The following VSTM1 variants were observed in gnomAD, a reference collection of about 807,000 sequenced individuals.
VSTM1 encodes V-set and transmembrane domain-containing protein 1.
Under a neutral mutation model 33.1 loss-of-function variants are expected in VSTM1, and 27 were observed. The ratio of observed to expected loss-of-function variants is 0.82; its 90% confidence interval spans 0.60 to 1.12. VSTM1 has a LOEUF of 1.12. Among genes scored for constraint, VSTM1 ranks in the 50% most tolerant of loss-of-function variants. The pLI, the probability that VSTM1 is intolerant of heterozygous loss-of-function variation, is 0.00. For synonymous variants in VSTM1, 115 were observed against 110.3 expected (o/e 1.04, Z -0.27); for missense variants, 304 against 288.9 (o/e 1.05, Z -0.38).
intron 4 of VSTM1, among the ~76,000 whole-genome samples, chr19:54,047,734 A>G (rs1451500116): frequency 6.6e-6 from 1 of 152,174 alleles, no homozygotes; most frequent in African/African-American, 2.4e-5. Context: ...TTTCCAGCCT[A>G]CGGTATCTTT....
chr19:54,045,957 T>TA (rs1445657860), intron 4 of VSTM1, among the ~76,000 whole-genome samples: 5 of 152,160 alleles, frequency 3.3e-5, no homozygotes, highest in African/African-American at 7.2e-5. Context: ...CTAGCTAATC[T>TA]ATCTGTATCT....
At chr19:54,047,328 T>G (rs1464436315) in intron 4 of VSTM1, among the ~76,000 whole-genome samples, 1 of 151,728 alleles carries the variant, frequency 6.6e-6, no homozygotes, top group Non-Finnish European at 1.5e-5. Flanking sequence ...ACAGTCTCAC[T>G]CTGTCTCCCA....
chr19:54,041,966 G>GAC lies in VSTM1; in HGVS notation c.516-15_516-14dup. 11 of 1,614,124 alleles carry GAC rather than the reference G, an allele frequency of 6.8e-6. No homozygotes were observed. Among genetic ancestry groups the GAC allele is most frequent in the Non-Finnish European group, 8.5e-6 (10 of 1,180,016 alleles). On this transcript the variant is annotated splice_polypyrimidine_tract_variant and intron_variant, in intron 6 of 8. Coordinates refer to ENST00000338372, the MANE Select transcript of VSTM1 (RefSeq NM_198481.4). ...GGAATGGCTGGTTCTGAAAGAGAGA[G>GAC]ACACACGTGAAAGGATGGGATGTGA...
intron 4 of VSTM1, among the ~76,000 whole-genome samples, chr19:54,048,704 C>T (rs776582271): frequency 5.3e-5 from 8 of 152,086 alleles, no homozygotes; most frequent in African/African-American, 1.2e-4. Context: ...ATTTACAGCG[C>T]GGAGACAAAC....
chr19:54,049,348 A>C (rs569368191), intron 4 of VSTM1, among the ~76,000 whole-genome samples: 1 of 152,184 alleles, frequency 6.6e-6, no homozygotes, highest in Non-Finnish European at 1.5e-5. Context: ...CTGGTGGGAA[A>C]GTGGGAAATG....
intron 4 of VSTM1, among the ~76,000 whole-genome samples, chr19:54,045,851 A>G (rs1292939750): frequency 6.6e-6 from 1 of 152,026 alleles, no homozygotes; most frequent in Non-Finnish European, 1.5e-5. Flanking sequence ...TATCTAATCT[A>G]TCATCTATCT....
rs1035814443 is a variant in VSTM1, at chr19:54,055,898, A to G, written c.355+2408T>C. The G allele has an allele frequency of 6.3e-5, 9 of 141,900 alleles. 3 individuals are homozygous for G. In the Admixed American group the frequency reaches 6.5e-4, roughly 10 times the overall value. The allele number at this position is 141,900 out of a possible 1,614,324, so 8.8% of individuals were successfully genotyped here. A position where few individuals can be genotyped will look rare whatever the true frequency, so the allele number is the denominator to read the frequency against. ...TCTCATCCATCTCTCCGTATTAACC[A>G]TGTCTTTCATCTTCTGCATTTGATG... On this transcript the variant is annotated intron_variant, in intron 3 of 8. Coordinates refer to ENST00000338372, the MANE Select transcript of VSTM1 (RefSeq NM_198481.4).
chr19:54,048,078 C>T (rs1829769378), intron 4 of VSTM1, among the ~76,000 whole-genome samples: 1 of 152,072 alleles, frequency 6.6e-6, no homozygotes. Flanking sequence ...TAAATACAGG[C>T]TGGGGACATC....
At position 54,058,472 on chromosome 19, in the gene VSTM1, C is replaced by A; in HGVS notation, c.189G>T (p.Val63=). 1 of 1,613,656 alleles carries A rather than the reference C, an allele frequency of 6.2e-7. No individual in the cohort carries two copies. The highest frequency in any genetic ancestry group is 8.5e-7 in the Non-Finnish European group (1 of 1,179,940). The part of the protein sequence containing the change: ...SQNVTFVLRK[V]NDSGYKQEQS... ...GTTCCTGCTTGTACCCAGAGTCGTTCACCTTGCGCAGCACAAATGTCACAT... is the reference window on the plus strand; with the variant it reads ...GTTCCTGCTTGTACCCAGAGTCGTTAACCTTGCGCAGCACAAATGTCACAT... The change falls in exon 3 of 9, where the codon GTG becomes GTT. Residue 63 remains valine (V), a synonymous_variant. Coordinates refer to ENST00000338372, the MANE Select transcript of VSTM1 (RefSeq NM_198481.4).
Position 54,056,340 on chromosome 19 carries a change from G to A in VSTM1, c.355+1966C>T. On this transcript the variant is annotated intron_variant, in intron 3 of 8. Coordinates refer to ENST00000338372, the MANE Select transcript of VSTM1 (RefSeq NM_198481.4). ...GGGTTCAAGCAATTCTCGTGCCTCAGCCTCCCGAGTAGCTGAAAGCACAGG... is the reference window on the plus strand; with the variant it reads ...GGGTTCAAGCAATTCTCGTGCCTCAACCTCCCGAGTAGCTGAAAGCACAGG... Among the ~76,000 whole-genome samples, 2 of 131,978 alleles carry A rather than the reference G, an allele frequency of 1.5e-5. 1 individual carries two copies. Among genetic ancestry groups the A allele is most frequent in the Non-Finnish European group, 3.2e-5 (2 of 62,090 alleles). The allele number at this position is 131,978 out of a possible 152,430, so 86.6% of individuals were successfully genotyped here.
chr19:54,046,994 G>A (rs1249599309), intron 4 of VSTM1, among the ~76,000 whole-genome samples: 4 of 152,114 alleles, frequency 2.6e-5, no homozygotes, highest in Admixed American at 6.5e-5. Context: ...TCAGGAGTTC[G>A]AGACCAGCCT....
intron 3 of VSTM1, among the ~76,000 whole-genome samples, chr19:54,052,502 A>G (rs1272886947): frequency 7.0e-6 from 1 of 142,478 alleles, no homozygotes; most frequent in African/African-American, 2.6e-5. Context: ...TTTAGACTAC[A>G]CATATGAGTG....
At chr19:54,048,142 G>A (rs981814559) in intron 4 of VSTM1, among the ~76,000 whole-genome samples, 9 of 152,120 alleles carry the variant, frequency 5.9e-5, no homozygotes, top group Admixed American at 5.2e-4. Flanking sequence ...CTGAAACAGG[G>A]TCTCGCTCTG....
intron 3 of VSTM1, among the ~76,000 whole-genome samples, chr19:54,057,350 A>G (rs2071148857): frequency 9.8e-6 from 1 of 101,752 alleles, no homozygotes; most frequent in Non-Finnish European, 2.2e-5. Context: ...TCCTGTCTCA[A>G]CAAGTAATTT....
chr19:54,058,830 T>G (rs2071241587), intron 1 of VSTM1, 98 bp from the exon 2 acceptor site: 4 of 580,626 alleles, frequency 6.9e-6, no homozygotes, highest in African/African-American at 1.9e-5. Context: ...GTCTGAGATA[T>G]ATATATATAT....
chr19:54,063,681 G>A (rs905757307), intron 1 of VSTM1, 63 bp downstream of exon 1: 31 of 1,592,880 alleles, frequency 1.9e-5, no homozygotes, highest in Non-Finnish European at 2.3e-5. Context: ...CACCTGGACT[G>A]CCACTCCCAC....
In VSTM1 at chr19:54,052,403, A is replaced by G. The variant is rs1303435403; in HGVS notation, c.356-955T>C. Among the ~76,000 whole-genome samples, 8 of 138,688 alleles carry G rather than the reference A, an allele frequency of 5.8e-5. 3 individuals are homozygous for G. Among genetic ancestry groups the G allele is most frequent in the African/African-American group, 2.1e-4 (8 of 37,380 alleles). The allele number at this position is 138,688 out of a possible 152,430, so 91.0% of individuals were successfully genotyped here. On this transcript the variant is annotated intron_variant, in intron 3 of 8. Transcript: ENST00000338372. ...ACAGAGCCAGACTCCGTCTCAAAAA[A>G]AAAATAAAAATAAAAATAAAAATGA...
chr19:54,050,000 T>A (rs1488484437), intron 4 of VSTM1, among the ~76,000 whole-genome samples: 1 of 133,552 alleles, frequency 7.5e-6, no homozygotes, highest in Non-Finnish European at 1.7e-5. Context: ...AATTTTTTTT[T>A]TTTTTTTTTT....
At chr19:54,059,302 C>A (rs2071271582) in intron 1 of VSTM1, among the ~76,000 whole-genome samples, 1 of 152,104 alleles carries the variant, frequency 6.6e-6, no homozygotes, top group Non-Finnish European at 1.5e-5. Flanking sequence ...CTCAGGTGAT[C>A]CACACGCCTC....
Sources: allele counts gnomAD v4.1 joint callset (sites outside exome capture counted in the v4.1 genomes callset), GRCh38; gene constraint gnomAD v4.1.1; transcripts MANE v1.5; gene names NCBI Gene and HGNC (gene_info 2026-07-23, HGNC 2026-07-21).